HMBOX1: variants seen among roughly 807,000 people sequenced by gnomAD.
HMBOX1 encodes homeobox containing 1, also known as homeobox-containing protein 1.
Under a neutral mutation model 54.5 loss-of-function variants are expected in HMBOX1, and 14 were observed. The observed-to-expected ratio is 0.26, with a 90% CI of 0.17 to 0.40. HMBOX1 has a LOEUF of 0.40. Among genes scored for constraint, HMBOX1 ranks in the 10% least tolerant of loss-of-function variants. The probability of loss-of-function intolerance (pLI) is 1.00; values close to 1 mark genes in which losing one functional copy is unlikely to be tolerated. For missense variants in HMBOX1, 332 were observed against 514.4 expected (o/e 0.65, Z 3.43); for synonymous variants, 160 against 181.0 (o/e 0.88, Z 0.93).
intron 1 of HMBOX1, among the ~76,000 whole-genome samples, chr8:28,913,998 G>A (rs1267792361): frequency 6.6e-6 from 1 of 151,822 alleles, no homozygotes; most frequent in Admixed American, 6.6e-5. Context: ...AGCCTCCCAA[G>A]TAGATGGGAC....
intron 1 of HMBOX1, among the ~76,000 whole-genome samples, chr8:28,960,910 C>T (rs1825472430): frequency 6.6e-6 from 1 of 151,160 alleles, no homozygotes; most frequent in African/African-American, 2.4e-5. Context: ...CCTCAGACTC[C>T]TGAGCAGCTG....
chr8:28,960,793 T>G (rs1275011973), intron 1 of HMBOX1, among the ~76,000 whole-genome samples: 9 of 82,312 alleles, frequency 1.1e-4, no homozygotes, highest in East Asian at 4.2e-4. Flanking sequence ...TTTTTTTTTT[T>G]TTTTTTTTTT....
At chr8:28,928,137 A>G (rs1467933279) in intron 1 of HMBOX1, among the ~76,000 whole-genome samples, 1 of 152,034 alleles carries the variant, frequency 6.6e-6, no homozygotes, top group East Asian at 1.9e-4. Context: ...CCGTCTCAAA[A>G]AAAAAAAAGA....
At chr8:29,031,310 C>CTAAG (rs1360421148) in intron 6 of HMBOX1, among the ~76,000 whole-genome samples, 1 of 152,034 alleles carries the variant, frequency 6.6e-6, no homozygotes, top group Non-Finnish European at 1.5e-5. Flanking sequence ...TAGCAAGTGG[C>CTAAG]TAAGTCAGTG....
At position 29,022,868 on chromosome 8, in the gene HMBOX1, A is replaced by G. The variant is rs557639239; in HGVS notation, c.851+3955A>G. ...TATATATCAAAATTTAAAATCAGGGAAAAAATGGGGGGGAGGGGGGGAGGT... is the reference window on the plus strand; with the variant it reads ...TATATATCAAAATTTAAAATCAGGGGAAAAATGGGGGGGAGGGGGGGAGGT... On this transcript the variant is annotated intron_variant, in intron 6 of 9. Coordinates refer to ENST00000287701, the MANE Select transcript of HMBOX1 (RefSeq NM_001135726.3). Among the ~76,000 whole-genome samples the G allele has an allele frequency of 1.6e-4, 24 of 146,210 alleles. No homozygotes were observed. In the South Asian group the frequency reaches 5.2e-3, roughly 32 times the overall value.
At chr8:28,934,651 C>T (rs560829022) in intron 1 of HMBOX1, among the ~76,000 whole-genome samples, 4 of 152,246 alleles carry the variant, frequency 2.6e-5, no homozygotes, top group African/African-American at 7.2e-5. Flanking sequence ...ATTGGCCGGG[C>T]GCGGTGGCTC....
chr8:28,977,944 C>CA (rs60822229), intron 3 of HMBOX1, among the ~76,000 whole-genome samples: 3,626 of 88,282 alleles, frequency 0.041, 134 homozygotes, highest in African/African-American at 0.13. Flanking sequence ...ACTCTGTCTC[C>CA]AAAAAAAAAA....
At chr8:29,020,957 T>G (rs1801054704) in intron 6 of HMBOX1, among the ~76,000 whole-genome samples, 1 of 152,116 alleles carries the variant, frequency 6.6e-6, no homozygotes. Context: ...GAAGGATCAC[T>G]TGAGGCCAAG....
intron 1 of HMBOX1, among the ~76,000 whole-genome samples, chr8:28,954,968 C>T (rs1221240859): frequency 6.6e-6 from 1 of 152,146 alleles, no homozygotes; most frequent in Non-Finnish European, 1.5e-5. Context: ...ACAGTATCGA[C>T]AGGTTCTTAT....
intron 1 of HMBOX1, among the ~76,000 whole-genome samples, chr8:28,900,271 A>AAATGTATAT (rs747317282): frequency 1.4e-5 from 1 of 70,334 alleles, no homozygotes; most frequent in African/African-American, 4.6e-5. Flanking sequence ...AAAAAAAAAA[A>AAATGTATAT]ATATATATAT....
chr8:28,920,009 A>G (rs1174637339), intron 1 of HMBOX1, among the ~76,000 whole-genome samples: 4 of 151,828 alleles, frequency 2.6e-5, no homozygotes, highest in South Asian at 4.2e-4. Flanking sequence ...GTGTTTTTCA[A>G]TAGCTAGACC....
chr8:28,950,061 A>G (rs926616049), intron 1 of HMBOX1: 5 of 152,262 alleles, frequency 3.3e-5, no homozygotes, highest in Non-Finnish European at 5.9e-5. Flanking sequence ...TTTATCTTCA[A>G]TTATGATTAA....
intron 1 of HMBOX1, among the ~76,000 whole-genome samples, chr8:28,906,635 G>GC (rs1372953571): frequency 2.0e-5 from 3 of 151,748 alleles, no homozygotes; most frequent in Non-Finnish European, 2.9e-5. Flanking sequence ...TGTCCCTCAG[G>GC]CTGGAGTACA....
chr8:29,019,037 C>T, intron 6 of HMBOX1, 124 bp downstream of exon 6: 1 of 738,692 alleles, frequency 1.4e-6, no homozygotes, highest in South Asian at 2.0e-5. Flanking sequence ...TCTAAAAGTA[C>T]TTTAGAATAT....
At chr8:28,988,200 A>G (rs1031267621) in intron 4 of HMBOX1, among the ~76,000 whole-genome samples, 5 of 152,162 alleles carry the variant, frequency 3.3e-5, no homozygotes, top group Non-Finnish European at 7.3e-5. Flanking sequence ...TATGTCTCCA[A>G]CTTCTTTCAT....
chr8:28,920,495 A>G (rs1817364944), intron 1 of HMBOX1, among the ~76,000 whole-genome samples: 1 of 152,252 alleles, frequency 6.6e-6, no homozygotes, highest in Admixed American at 6.5e-5. Context: ...TGATTAGATT[A>G]TCTCGTGAGA....
At chr8:28,978,032 G>C (rs1205029483) in intron 3 of HMBOX1, among the ~76,000 whole-genome samples, 1 of 152,032 alleles carries the variant, frequency 6.6e-6, no homozygotes, top group Non-Finnish European at 1.5e-5. Context: ...AGATCAGTAT[G>C]AGAAATTTTA....
chr8:29,011,812 G>A (rs1263845847), intron 5 of HMBOX1, among the ~76,000 whole-genome samples: 1 of 152,100 alleles, frequency 6.6e-6, no homozygotes, highest in Non-Finnish European at 1.5e-5. Flanking sequence ...GAGGAAGGTA[G>A]AACTAGGGAA....
chr8:28,900,541 CCT>C (rs1813058890), intron 1 of HMBOX1, among the ~76,000 whole-genome samples: 1 of 151,810 alleles, frequency 6.6e-6, no homozygotes, highest in African/African-American at 2.4e-5. Context: ...CTGTGTCCAT[CCT>C]CTCTGATTGC....
Sources: gnomAD v4.1 joint callset for allele counts (sites outside exome capture counted in the v4.1 genomes callset) on GRCh38, gnomAD v4.1.1 for gene constraint, MANE v1.5 for transcripts, NCBI Gene and HGNC (gene_info 2026-07-23, HGNC 2026-07-21) for gene names.